The following RASGRP3 variants were observed in gnomAD, a reference collection of about 807,000 sequenced individuals.
RASGRP3 encodes the protein RAS guanyl releasing protein 3.
A neutral mutation model predicts 82.7 loss-of-function variants in RASGRP3; 54 were observed. The observed-to-expected ratio is 0.65, with a 90% CI of 0.52 to 0.82. The LOEUF (loss-of-function observed/expected upper bound fraction) is 0.82. Among genes scored for constraint, RASGRP3 ranks in the 40% least tolerant of loss-of-function variants. The pLI is 0.00. For synonymous variants in RASGRP3, 309 were observed against 300.5 expected, an observed-to-expected ratio of 1.03 and a Z score of -0.29; for missense variants, 861 against 828.9, an observed-to-expected ratio of 1.04 and a Z score of -0.48.
intron 14 of RASGRP3, among the ~76,000 whole-genome samples, chr2:33,554,005 G>A (rs1021478225): frequency 1.3e-5 from 2 of 152,130 alleles, no homozygotes; most frequent in African/African-American, 4.8e-5. Flanking sequence ...CGAAAGTGCT[G>A]GGATTACAGG....
intron 2 of RASGRP3, among the ~76,000 whole-genome samples, chr2:33,449,181 T>G (rs139893688): frequency 0.012 from 1,810 of 152,340 alleles, 18 homozygotes; most frequent in Non-Finnish European, 0.02. Context: ...TCTCCCAGAT[T>G]ACCAGACATA....
chr2:33,496,322 A>G (rs1356068133), intron 1 of RASGRP3, among the ~76,000 whole-genome samples: 1 of 152,250 alleles, frequency 6.6e-6, no homozygotes, highest in Non-Finnish European at 1.5e-5. Flanking sequence ...TTTCATTCCT[A>G]TAACATCAGA....
intron 11 of RASGRP3, among the ~76,000 whole-genome samples, chr2:33,535,319 A>T (rs1384326691): frequency 6.6e-6 from 1 of 152,222 alleles, no homozygotes. Context: ...GCTTTGCACT[A>T]ATACAAAATG....
Position 33,563,958 on chromosome 2 carries a change from A to C in RASGRP3, c.*1221A>C, listed in dbSNP as rs1339185592. ...AGCTGGGACTGAGCCTGTGAATGAC[A>C]GGAATGATCTATTACCAGGTGACTA... On this transcript the variant is annotated 3_prime_UTR_variant, in exon 18 of 18. Coordinates refer to ENST00000403687, the MANE Select transcript of RASGRP3 (RefSeq NM_001139488.2). 6.6e-6 allele frequency: 1 copy of C among 152,220 alleles called. No homozygotes were observed. Among genetic ancestry groups the C allele is most frequent in the African/African-American group, 2.4e-5 (1 of 41,472 alleles). 9.4% of individuals were successfully genotyped at this position (152,220 alleles called of 1,614,324 possible). A position where few individuals can be genotyped will look rare whatever the true frequency, so the allele number is the denominator to read the frequency against.
At chr2:33,450,427 T>TA (rs1665724377) in intron 2 of RASGRP3, among the ~76,000 whole-genome samples, 1 of 152,138 alleles carries the variant, frequency 6.6e-6, no homozygotes, top group African/African-American at 2.4e-5. Flanking sequence ...TACTCTCTGT[T>TA]ACTGAGTTCA....
At chr2:33,449,815 A>G (rs1221996479) in intron 2 of RASGRP3, among the ~76,000 whole-genome samples, 1 of 152,222 alleles carries the variant, frequency 6.6e-6, no homozygotes, top group Non-Finnish European at 1.5e-5. Flanking sequence ...AGCAAATACA[A>G]AATGCAAACT....
At chr2:33,467,576 G>T (rs1463714010) in intron 2 of RASGRP3, among the ~76,000 whole-genome samples, 1 of 152,230 alleles carries the variant, frequency 6.6e-6, no homozygotes, top group East Asian at 1.9e-4. Flanking sequence ...TAAAAGGAAA[G>T]GAAGGCAGAG....
intron 1 of RASGRP3, among the ~76,000 whole-genome samples, chr2:33,447,150 G>T (rs1410688702): frequency 1.3e-5 from 2 of 151,758 alleles, no homozygotes; most frequent in African/African-American, 4.8e-5. Context: ...ACCAAGTCAG[G>T]CATGAATGGG....
chr2:33,547,264 C>G (rs890504355), intron 13 of RASGRP3, among the ~76,000 whole-genome samples: 1 of 144,718 alleles, frequency 6.9e-6, no homozygotes, highest in African/African-American at 2.6e-5. Flanking sequence ...TGATGGCGGA[C>G]GTTTGGAGGA....
intron 13 of RASGRP3, among the ~76,000 whole-genome samples, chr2:33,548,327 A>C (rs1366142930): frequency 1.0e-4 from 14 of 139,908 alleles, no homozygotes; most frequent in Admixed American, 8.8e-4. Context: ...TGCCACTGCA[A>C]TCCGGCCTAG....
At chr2:33,472,476 C>T (rs553821880), upstream of RASGRP3, among the ~76,000 whole-genome samples, 3 of 152,218 alleles carry the variant, frequency 2.0e-5, no homozygotes, top group South Asian at 6.2e-4. Flanking sequence ...GAAATCACCG[C>T]AGACCTTCAG....
chr2:33,556,890 TACACAC>T lies in RASGRP3; in HGVS notation c.1580-1288_1580-1283del, dbSNP rs58614411. Among the ~76,000 whole-genome samples the T allele has an allele frequency of 6.4e-3, 839 of 130,852 alleles. 9 individuals are homozygous for T. The highest frequency in any genetic ancestry group is 0.024 in the African/African-American group (754 of 31,180). 85.8% of individuals were successfully genotyped at this position (130,852 alleles called of 152,430 possible). A position where few individuals can be genotyped will look rare whatever the true frequency, so the allele number is the denominator to read the frequency against. On this transcript the variant is annotated intron_variant, in intron 15 of 17. Transcript: ENST00000403687. ...TGGTTTCTATCCTCATACCCTAAAA[TACACAC>T]ACACACACACACACACACACACACA...
chr2:33,537,058 T>C (rs1673685189), intron 11 of RASGRP3, among the ~76,000 whole-genome samples: 1 of 152,060 alleles, frequency 6.6e-6, no homozygotes, highest in Non-Finnish European at 1.5e-5. Flanking sequence ...TCAGGTCACA[T>C]GGACTTGAAG....
intron 1 of RASGRP3, among the ~76,000 whole-genome samples, chr2:33,488,735 A>G (rs1056260185): frequency 2.0e-5 from 3 of 152,230 alleles, no homozygotes; most frequent in Non-Finnish European, 4.4e-5. Flanking sequence ...AATGTTCTCA[A>G]TTATGTCAAA....
At chr2:33,487,499 G>C (rs1272324532) in intron 1 of RASGRP3, among the ~76,000 whole-genome samples, 1 of 152,140 alleles carries the variant, frequency 6.6e-6, no homozygotes, top group Admixed American at 6.5e-5. Flanking sequence ...GTTTTAATTT[G>C]AATAATCAGC....
intron 1 of RASGRP3, among the ~76,000 whole-genome samples, chr2:33,439,647 T>G (rs181525796): frequency 3.3e-5 from 5 of 152,288 alleles, no homozygotes; most frequent in African/African-American, 1.2e-4. Context: ...CTGGGGGCCC[T>G]GTATTCTGAT....
intron 2 of RASGRP3, among the ~76,000 whole-genome samples, chr2:33,459,706 A>G (rs1163668348): frequency 2.0e-5 from 3 of 151,784 alleles, no homozygotes; most frequent in African/African-American, 7.3e-5. Context: ...AAAGTGAAAA[A>G]TTACAAAGGG....
At chr2:33,482,922 A>C (rs572721272) in intron 1 of RASGRP3, 1 of 152,330 alleles carries the variant, frequency 6.6e-6, no homozygotes, top group African/African-American at 2.4e-5. Flanking sequence ...GAATTAAAAA[A>C]TATTCTGAAA....
intron 2 of RASGRP3, among the ~76,000 whole-genome samples, chr2:33,453,933 T>C (rs1174318393): frequency 6.6e-6 from 1 of 152,228 alleles, no homozygotes; most frequent in Non-Finnish European, 1.5e-5. Flanking sequence ...AATTTATTTT[T>C]CACTATCCTG....
Sources: allele counts gnomAD v4.1 joint callset (sites outside exome capture counted in the v4.1 genomes callset), GRCh38; gene constraint gnomAD v4.1.1; transcripts MANE v1.5; gene names NCBI Gene and HGNC (gene_info 2026-07-23, HGNC 2026-07-21).